Variants in ANKRD13C observed in about 807,000 individuals in gnomAD.
ANKRD13C encodes the protein ankyrin repeat domain 13C, also known as ankyrin repeat domain-containing protein 13C.
In ANKRD13C, 16 loss-of-function variants were observed where a neutral mutation model predicts 65.5. The observed-to-expected ratio is 0.24, with a 90% CI of 0.17 to 0.37. ANKRD13C has a LOEUF of 0.37. ANKRD13C is among the 10% of genes least tolerant of loss of function. The pLI is 1.00. For missense variants in ANKRD13C, 503 were observed against 655.9 expected, an observed-to-expected ratio of 0.77 and a Z score of 2.55; for synonymous variants, 235 against 238.7, an observed-to-expected ratio of 0.98 and a Z score of 0.14.
At chr1:70,348,578 T>C (rs1176103425) in intron 1 of ANKRD13C, among the ~76,000 whole-genome samples, 1 of 152,172 alleles carries the variant, frequency 6.6e-6, no homozygotes, top group Non-Finnish European at 1.5e-5. Flanking sequence ...CCTGCACCTT[T>C]TTAATCTTTC....
intron 1 of ANKRD13C, among the ~76,000 whole-genome samples, chr1:70,350,925 T>C (rs747384385): frequency 6.6e-6 from 1 of 152,124 alleles, no homozygotes; most frequent in Non-Finnish European, 1.5e-5. Flanking sequence ...CTTTGGAAGG[T>C]TGAGGTGAGT....
chr1:70,335,163 T>C (rs1001818158), intron 2 of ANKRD13C, among the ~76,000 whole-genome samples: 1 of 152,084 alleles, frequency 6.6e-6, no homozygotes, highest in Non-Finnish European at 1.5e-5. Context: ...TCCCAGCACT[T>C]TGGGAGGCCG....
intron 1 of ANKRD13C, among the ~76,000 whole-genome samples, chr1:70,343,731 CA>C (rs1168549463): frequency 1.3e-5 from 2 of 152,118 alleles, no homozygotes; most frequent in African/African-American, 4.8e-5. Context: ...TGGAGTTTAG[CA>C]AAACTATGTT....
At position 70,318,092 on chromosome 1, in the gene ANKRD13C, G is replaced by A. The variant is rs532315761; in HGVS notation, c.578-2526C>T. Reference sequence around the variant, plus strand: ...TCCCTTTTCTATATGACTTCATATTGAAAAATACCATAAACTCAAACTTCT... The same window carrying A: ...TCCCTTTTCTATATGACTTCATATTAAAAAATACCATAAACTCAAACTTCT... On this transcript the variant is annotated intron_variant, in intron 3 of 12. Transcript: ENST00000370944. Among the ~76,000 whole-genome samples, 61 of 152,156 alleles carry A rather than the reference G, an allele frequency of 4.0e-4. 1 individual carries two copies. Among genetic ancestry groups the A allele is most frequent in the South Asian group, 8.3e-4 (4 of 4,812 alleles).
At chr1:70,300,674 G>C in intron 7 of ANKRD13C, 90 bp downstream of exon 7, 1 of 1,263,514 alleles carries the variant, frequency 7.9e-7, no homozygotes, top group South Asian at 1.8e-5. Flanking sequence ...TATACCTTAA[G>C]CTTTTAAGCA....
Position 70,260,412 on chromosome 1 carries a change from A to T in ANKRD13C, c.*2305T>A, listed in dbSNP as rs1411941372. ...TATACGATTGTCCCCCTACCAATTT[A>T]AACAGTTTCAAAATCACAAATGGAG... On this transcript the variant is annotated 3_prime_UTR_variant, in exon 13 of 13. Coordinates refer to ENST00000370944, the MANE Select transcript of ANKRD13C (RefSeq NM_030816.5). Among the ~76,000 whole-genome samples the T allele has an allele frequency of 6.6e-6, 1 of 152,160 alleles. No individual in the cohort carries two copies. Among genetic ancestry groups the T allele is most frequent in the African/African-American group, 2.4e-5 (1 of 41,456 alleles).
At chr1:70,347,326 C>T (rs539543613) in intron 1 of ANKRD13C, among the ~76,000 whole-genome samples, 4 of 152,128 alleles carry the variant, frequency 2.6e-5, no homozygotes, top group Admixed American at 2.6e-4. Flanking sequence ...CTAGGAACTG[C>T]ACTCATTTTC....
Position 70,302,440 on chromosome 1 carries a change from G to C in ANKRD13C, c.777-1532C>G, listed in dbSNP as rs1181930727. ...TGAGCATGTGTCCTAAAAGAAAATAGTATTGGCCGGGCGCGGTGGCTCACG... is the reference window on the plus strand; with the variant it reads ...TGAGCATGTGTCCTAAAAGAAAATACTATTGGCCGGGCGCGGTGGCTCACG... On this transcript the variant is annotated intron_variant, in intron 6 of 12. Coordinates refer to ENST00000370944, the MANE Select transcript of ANKRD13C (RefSeq NM_030816.5). Among the ~76,000 whole-genome samples, 4 of 149,158 alleles carry C rather than the reference G, an allele frequency of 2.7e-5. 1 individual carries two copies. In the East Asian group the frequency reaches 8.4e-4, roughly 31 times the overall value.
intron 9 of ANKRD13C, among the ~76,000 whole-genome samples, chr1:70,282,659 C>T (rs1256939160): frequency 2.0e-5 from 3 of 152,148 alleles, no homozygotes; most frequent in Non-Finnish European, 4.4e-5. Context: ...GGCTTAAAAG[C>T]TAGTTAATGA....
chr1:70,295,373 G>A (rs144345513), intron 8 of ANKRD13C, among the ~76,000 whole-genome samples: 1,641 of 151,868 alleles, frequency 0.011, 14 homozygotes, highest in Middle Eastern at 0.044. Context: ...TCAGCCTTCC[G>A]AGTAGCTGGG....
intron 9 of ANKRD13C, among the ~76,000 whole-genome samples, chr1:70,288,650 T>C (rs1475739226): frequency 1.3e-5 from 2 of 152,184 alleles, no homozygotes; most frequent in Admixed American, 1.3e-4. Flanking sequence ...GGCTAAGTAC[T>C]ATATGATTCC....
intron 2 of ANKRD13C, among the ~76,000 whole-genome samples, chr1:70,330,574 C>CAAAAAAAAAAAAAAAAA (rs71071394): frequency 9.1e-4 from 62 of 68,362 alleles, no homozygotes; most frequent in East Asian, 1.3e-3. Flanking sequence ...ACAAACAAAC[C>CAAAAAAAAAAAAAAAAA]AAAAAAAAAA....
At position 70,274,784 on chromosome 1, in the gene ANKRD13C, CTT is replaced by C; in HGVS notation, c.1328_1329del (p.Lys443ArgfsTer3). Reference protein sequence around the residue: ...APHLGRELVCKESKKTFKATI... With the variant: ...APHLGRELVCXESKKTFKATI... ...GTAGCTTTAAACGTTTTCTTACTCTCTTTGCACACCAATTCTCTACCCAGATG... is the reference window on the plus strand; with the variant it reads ...GTAGCTTTAAACGTTTTCTTACTCTCTGCACACCAATTCTCTACCCAGATG... On this transcript the variant is annotated frameshift_variant, in exon 11 of 13. Coordinates refer to ENST00000370944, the MANE Select transcript of ANKRD13C (RefSeq NM_030816.5). LOFTEE classifies it high-confidence loss of function. 1 of 1,613,916 alleles carries C rather than the reference CTT, an allele frequency of 6.2e-7. No homozygotes were observed. Among genetic ancestry groups the C allele is most frequent in the Non-Finnish European group, 8.5e-7 (1 of 1,179,894 alleles).
intron 12 of ANKRD13C, among the ~76,000 whole-genome samples, chr1:70,269,329 C>A (rs116752499): frequency 0.015 from 2,238 of 152,096 alleles, 63 homozygotes; most frequent in African/African-American, 0.051. Flanking sequence ...ATTTCCTTTG[C>A]ATAAAAATAA....
chr1:70,336,699 G>A (rs1682050133), intron 1 of ANKRD13C, among the ~76,000 whole-genome samples: 2 of 152,058 alleles, frequency 1.3e-5, no homozygotes, highest in Non-Finnish European at 2.9e-5. Context: ...TTTTTTTAAA[G>A]TGATCCAAAT....
chr1:70,274,835 A>G lies in ANKRD13C; in HGVS notation c.1296-17T>C. ...TGAGGAGCTCTAAAATGGGAGGAAAAAAAATGTTAGGAAACTTTTTCCATA... is the reference window on the plus strand; with the variant it reads ...TGAGGAGCTCTAAAATGGGAGGAAAGAAAATGTTAGGAAACTTTTTCCATA... On this transcript the variant is annotated splice_polypyrimidine_tract_variant and intron_variant, in intron 10 of 12. Coordinates refer to ENST00000370944, the MANE Select transcript of ANKRD13C (RefSeq NM_030816.5). 1 of 1,563,174 alleles carries G rather than the reference A, an allele frequency of 6.4e-7. No homozygotes were observed.
intron 11 of ANKRD13C, among the ~76,000 whole-genome samples, chr1:70,272,338 A>G (rs1678925671): frequency 2.0e-5 from 3 of 151,566 alleles, no homozygotes; most frequent in Admixed American, 2.0e-4. Context: ...TGATTGTCTC[A>G]GCCTCCCGAG....
chr1:70,307,342 G>C (rs1272835784), intron 5 of ANKRD13C, among the ~76,000 whole-genome samples: 1 of 152,012 alleles, frequency 6.6e-6, no homozygotes, highest in Non-Finnish European at 1.5e-5. Flanking sequence ...TTCAAGACCG[G>C]CCTGGGCAAC....
intron 1 of ANKRD13C, among the ~76,000 whole-genome samples, chr1:70,351,733 T>C (rs1347929277): frequency 2.6e-5 from 4 of 152,140 alleles, no homozygotes; most frequent in African/African-American, 9.7e-5. Flanking sequence ...TTTATAAGTA[T>C]TTATCTTCTA....
Sources: gnomAD v4.1 joint callset for allele counts (sites outside exome capture counted in the v4.1 genomes callset) on GRCh38, gnomAD v4.1.1 for gene constraint, MANE v1.5 for transcripts, NCBI Gene and HGNC (gene_info 2026-07-23, HGNC 2026-07-21) for gene names.